Variants in RFX4 observed in about 807,000 individuals in gnomAD.
RFX4 encodes transcription factor RFX4.
Under a neutral mutation model 95.0 loss-of-function variants are expected in RFX4, and 10 were observed. The observed-to-expected ratio is 0.11, with a 90% CI of 0.06 to 0.18. The LOEUF (loss-of-function observed/expected upper bound fraction) is 0.18, where lower values mean the gene tolerates loss of function less well. Among genes scored for constraint, RFX4 ranks in the 10% least tolerant of loss-of-function variants. RFX4 has a pLI of 1.00. For missense variants in RFX4, 640 were observed against 922.0 expected (o/e 0.69, Z 3.96); for synonymous variants, 321 against 340.7 (o/e 0.94, Z 0.64).
intron 2 of RFX4, among the ~76,000 whole-genome samples, chr12:106,631,270 C>T (rs996742679): frequency 2.6e-5 from 4 of 152,224 alleles, no homozygotes; most frequent in African/African-American, 9.6e-5. Flanking sequence ...GAAGGCTCCA[C>T]TTTTAATTGT....
At chr12:106,742,914 C>A (rs895188889) in intron 15 of RFX4, among the ~76,000 whole-genome samples, 1 of 152,204 alleles carries the variant, frequency 6.6e-6, no homozygotes, top group Non-Finnish European at 1.5e-5. Context: ...ATCATTAATT[C>A]ATTTATTTGA....
chr12:106,644,704 A>G (rs2040707301), intron 3 of RFX4, among the ~76,000 whole-genome samples: 1 of 152,166 alleles, frequency 6.6e-6, no homozygotes, highest in East Asian at 1.9e-4. Context: ...TGTTGATGGG[A>G]TTGCAAAATT....
chr12:106,760,041 A>C (rs2043182170), intron 17 of RFX4, among the ~76,000 whole-genome samples: 1 of 152,090 alleles, frequency 6.6e-6, no homozygotes, highest in African/African-American at 2.4e-5. Flanking sequence ...CCTGCTGTCT[A>C]GGCTTCAGCC....
rs895494778 is a variant in RFX4, at chr12:106,713,949, A to G, written c.994-1451A>G. ...GCTGGGTGTGGCAGCATGCACCTAT[A>G]GTCCCAGCTACTAGGGAGGCTGAGG... On this transcript the variant is annotated intron_variant, in intron 10 of 17. Transcript: ENST00000392842. 5.3e-5 allele frequency among the ~76,000 whole-genome samples: 8 copies of G among 151,718 alleles called. No individual in the cohort carries two copies. The East Asian group carries it at 1.6e-3, about 29-fold the overall frequency.
chr12:106,601,082 G>A, intron 1 of RFX4: 1 of 1,344,534 alleles, frequency 7.4e-7, no homozygotes, highest in Admixed American at 3.0e-5. Flanking sequence ...TGAAAGCAGA[G>A]GCAGGGCAGG....
intron 4 of RFX4, among the ~76,000 whole-genome samples, chr12:106,663,822 T>A (rs920294451): frequency 6.6e-6 from 1 of 151,818 alleles, no homozygotes; most frequent in Non-Finnish European, 1.5e-5. Flanking sequence ...CATCTGTTGA[T>A]ATGATCATAT....
At chr12:106,748,696 C>A (rs986740638) in intron 16 of RFX4, among the ~76,000 whole-genome samples, 1 of 152,182 alleles carries the variant, frequency 6.6e-6, no homozygotes, top group African/African-American at 2.4e-5. Context: ...CACCTGTAAT[C>A]CCAGCACTTT....
At chr12:106,733,270 G>A (rs1010251576) in intron 15 of RFX4, 185 bp downstream of exon 15, 7 of 592,500 alleles carry the variant, frequency 1.2e-5, no homozygotes, top group South Asian at 2.2e-5. Context: ...CAGGAGCTAC[G>A]ATCGCACCAC....
At chr12:106,700,437 C>T (rs371973140) in intron 8 of RFX4, among the ~76,000 whole-genome samples, 24 of 129,234 alleles carry the variant, frequency 1.9e-4, no homozygotes, top group African/African-American at 6.8e-4. Context: ...GACGGAGTCT[C>T]GCTCTGTCGC....
At chr12:106,677,150 G>A (rs11613652) in intron 4 of RFX4, among the ~76,000 whole-genome samples, 6 of 152,266 alleles carry the variant, frequency 3.9e-5, no homozygotes, top group East Asian at 1.9e-4. Context: ...ACTGGAACCC[G>A]GGTGAGCCTG....
intron 4 of RFX4, 33 bp downstream of exon 4, chr12:106,654,384 A>T (rs183688492): frequency 1.9e-6 from 3 of 1,592,520 alleles, no homozygotes; most frequent in South Asian, 2.3e-5. Context: ...TGTCCTCCCT[A>T]CCACCCCAAC....
At chr12:106,748,062 CACA>C (rs2042928591) in intron 16 of RFX4, among the ~76,000 whole-genome samples, 1 of 152,108 alleles carries the variant, frequency 6.6e-6, no homozygotes. Context: ...GTGTAATCCC[CACA>C]ACAACCAGGG....
chr12:106,746,731 C>T (rs1156266790), intron 15 of RFX4, among the ~76,000 whole-genome samples: 4 of 152,154 alleles, frequency 2.6e-5, no homozygotes, highest in African/African-American at 7.2e-5. Context: ...CTGGCAGAGC[C>T]CAGTAATCTA....
At chr12:106,597,813 T>C (rs2039643981) in intron 1 of RFX4, among the ~76,000 whole-genome samples, 1 of 152,152 alleles carries the variant, frequency 6.6e-6, no homozygotes, top group Admixed American at 6.5e-5. Flanking sequence ...TGAGCTATGA[T>C]GGTGCCACTG....
chr12:106,639,505 A>C (rs772160313), intron 3 of RFX4, 113 bp downstream of exon 3: 9 of 953,566 alleles, frequency 9.4e-6, no homozygotes, highest in Non-Finnish European at 1.4e-5. Context: ...TTGACATTCC[A>C]CAACATGAAA....
At chr12:106,600,865 C>G (rs1176254970) in intron 1 of RFX4, among the ~76,000 whole-genome samples, 1 of 152,156 alleles carries the variant, frequency 6.6e-6, no homozygotes, top group African/African-American at 2.4e-5. Context: ...CAAAAAGCAC[C>G]CCCACCTCTC....
chr12:106,740,372 C>G (rs1391411531), intron 15 of RFX4, among the ~76,000 whole-genome samples: 1 of 152,184 alleles, frequency 6.6e-6, no homozygotes, highest in Non-Finnish European at 1.5e-5. Context: ...TCTGCGATGA[C>G]TCATTTACAG....
intron 8 of RFX4, among the ~76,000 whole-genome samples, chr12:106,707,777 A>G (rs2042113539): frequency 6.6e-6 from 1 of 151,980 alleles, no homozygotes; most frequent in African/African-American, 2.4e-5. Context: ...AGTGGAGGAA[A>G]TAAGAGGTTT....
chr12:106,596,880 T>C (rs1454403631), intron 1 of RFX4, among the ~76,000 whole-genome samples: 1 of 152,258 alleles, frequency 6.6e-6, no homozygotes. Flanking sequence ...ATTTAATATA[T>C]AAATCAATCC....
Sources: gnomAD v4.1 joint callset for allele counts (sites outside exome capture counted in the v4.1 genomes callset) on GRCh38, gnomAD v4.1.1 for gene constraint, MANE v1.5 for transcripts, NCBI Gene and HGNC (gene_info 2026-07-23, HGNC 2026-07-21) for gene names.